PDZD2: variants seen among roughly 807,000 people sequenced by gnomAD.
The protein encoded by PDZD2 is PDZ domain-containing protein 2.
PDZD2 carries 90 observed loss-of-function variants against 220.7 expected under a neutral mutation model. The observed-to-expected ratio is 0.41, with a 90% CI of 0.34 to 0.49. PDZD2 has a LOEUF of 0.49. Among genes scored for constraint, PDZD2 ranks in the 20% least tolerant of loss-of-function variants. PDZD2 has a pLI of 0.28. For synonymous variants in PDZD2, 1,375 were observed against 1,450.5 expected, an observed-to-expected ratio of 0.95 and a Z score of 1.18; for missense variants, 3,174 against 3,608.5, an observed-to-expected ratio of 0.88 and a Z score of 3.08.
intron 2 of PDZD2, among the ~76,000 whole-genome samples, chr5:31,916,862 C>G (rs1743734428): frequency 6.6e-6 from 1 of 152,134 alleles, no homozygotes; most frequent in African/African-American, 2.4e-5. Flanking sequence ...TGTGAGCCTC[C>G]TACCAGCATC....
At chr5:31,880,883 C>T (rs919288680) in intron 2 of PDZD2, among the ~76,000 whole-genome samples, 1 of 143,448 alleles carries the variant, frequency 7.0e-6, no homozygotes, top group Admixed American at 7.4e-5. Context: ...CGCACTGCAA[C>T]CTCCGCCTCC....
At chr5:31,731,001 G>A (rs540183468) in intron 1 of PDZD2, among the ~76,000 whole-genome samples, 4 of 152,226 alleles carry the variant, frequency 2.6e-5, no homozygotes, top group Admixed American at 1.3e-4. Flanking sequence ...TAGTTAAAGC[G>A]AAAATACTTC....
chr5:31,858,533 A>G (rs2150309068), intron 2 of PDZD2, among the ~76,000 whole-genome samples: 1 of 152,224 alleles, frequency 6.6e-6, no homozygotes, highest in East Asian at 1.9e-4. Flanking sequence ...AGATGATTAC[A>G]GCCCTTTCCC....
chr5:31,943,386 GGAACCGTT>G (rs1746374304), intron 2 of PDZD2, among the ~76,000 whole-genome samples: 1 of 152,140 alleles, frequency 6.6e-6, no homozygotes, highest in South Asian at 2.1e-4. Flanking sequence ...CAGAGCTGGG[GGAACCGTT>G]CAGAACTCAG....
At chr5:31,727,935 A>G (rs1001448767) in intron 1 of PDZD2, among the ~76,000 whole-genome samples, 17 of 149,418 alleles carry the variant, frequency 1.1e-4, no homozygotes, top group Non-Finnish European at 1.6e-4. Context: ...TCCAGGAGGC[A>G]GAGCTTGCAG....
Position 32,074,257 on chromosome 5 carries a change from G to A in PDZD2, c.3151G>A (p.Asp1051Asn). Residue 1051 changes from aspartate to asparagine, a missense_variant, in exon 18 of 25, where the codon GAT becomes AAT. Physicochemically the swap from Asp to Asn is conservative, Grantham distance 23 (BLOSUM62 1). This residue lies in a region of PDZD2 where 1,861 missense variants were observed against 2,001.0 expected (regional missense o/e 0.93). Coordinates refer to ENST00000438447, the MANE Select transcript of PDZD2 (RefSeq NM_178140.4). ...GGAGAGTATCCCAGAGGGCATGGTGGATGCTGCGTCCTATGCAGCCAACCT... is the reference window on the plus strand; with the variant it reads ...GGAGAGTATCCCAGAGGGCATGGTGAATGCTGCGTCCTATGCAGCCAACCT... ...LEESIPEGMVDAASYAANLTD... is the reference protein window; with the variant it reads ...LEESIPEGMVNAASYAANLTD... 1.2e-6 allele frequency: 2 copies of A among 1,614,206 alleles called. No individual in the cohort carries two copies. The highest frequency in any genetic ancestry group is 1.7e-6 in the Non-Finnish European group (2 of 1,180,016).
Position 31,829,478 on chromosome 5 carries a change from C to T in PDZD2, c.476+29754C>T, listed in dbSNP as rs569647005. 4.0e-5 allele frequency among the ~76,000 whole-genome samples: 6 copies of T among 151,824 alleles called. No individual in the cohort carries two copies. The East Asian group carries it at 7.8e-4, about 20-fold the overall frequency. ...AGATGGGATTGCAGGCACCACACCT[C>T]GCTAATTTTTGTATTTTTAGTAAAA... On this transcript the variant is annotated intron_variant, in intron 2 of 24. Coordinates refer to ENST00000438447, the MANE Select transcript of PDZD2 (RefSeq NM_178140.4).
chr5:32,025,585 A>C (rs1443084917), intron 6 of PDZD2, among the ~76,000 whole-genome samples: 1 of 105,568 alleles, frequency 9.5e-6, no homozygotes, highest in African/African-American at 4.2e-5. Context: ...AAATGTAACC[A>C]TGATGCTTTT....
intron 2 of PDZD2, among the ~76,000 whole-genome samples, chr5:31,864,149 C>A (rs931201723): frequency 1.3e-5 from 2 of 152,188 alleles, no homozygotes; most frequent in South Asian, 4.1e-4. Flanking sequence ...CCCTAGCAGT[C>A]CCCCTAACCT....
At chr5:31,750,688 C>G (rs1464026637) in intron 1 of PDZD2, among the ~76,000 whole-genome samples, 1 of 152,132 alleles carries the variant, frequency 6.6e-6, no homozygotes, top group African/African-American at 2.4e-5. Context: ...TGCAAAGGGC[C>G]TGAGGCAGGG....
intron 4 of PDZD2, among the ~76,000 whole-genome samples, chr5:31,998,045 G>A (rs1020884194): frequency 3.3e-5 from 5 of 152,142 alleles, no homozygotes; most frequent in African/African-American, 1.2e-4. Flanking sequence ...GTTTCACTGT[G>A]TTGGCCAGGC....
In PDZD2 at chr5:31,651,838, G is replaced by T. The variant is rs1327328582; in HGVS notation, c.-361+12401G>T. 2.6e-5 allele frequency among the ~76,000 whole-genome samples: 4 copies of T among 151,596 alleles called. No homozygotes were observed. The East Asian group carries it at 7.8e-4, about 29-fold the overall frequency. On this transcript the variant is annotated intron_variant, in intron 1 of 24. Transcript: ENST00000438447. ...GTTTTTGTTTGTTTGTTTGTTTTGA[G>T]ATGGTGTCTTGCTCTGTCACCCAGG...
At chr5:31,736,605 T>C (rs1259461772) in intron 1 of PDZD2, among the ~76,000 whole-genome samples, 4 of 152,232 alleles carry the variant, frequency 2.6e-5, no homozygotes, top group African/African-American at 9.6e-5. Flanking sequence ...CACTGGTTAA[T>C]TGCCTTATTT....
At chr5:31,792,211 G>A (rs143082423) in intron 1 of PDZD2, among the ~76,000 whole-genome samples, 268 of 152,300 alleles carry the variant, frequency 1.8e-3, no homozygotes, top group African/African-American at 6.2e-3. Context: ...CGTGGCTGAG[G>A]AGCAGGGACC....
intron 7 of PDZD2, among the ~76,000 whole-genome samples, chr5:32,044,402 G>A (rs1332396368): frequency 1.3e-5 from 2 of 152,014 alleles, no homozygotes; most frequent in Admixed American, 6.6e-5. Flanking sequence ...ACACAGTGAC[G>A]GGCACCATGA....
rs780118909 is a variant in PDZD2 at position 32,090,177 on chromosome 5, G to C, written c.6729G>C (p.Leu2243=). 6.2e-7 allele frequency: 1 copy of C among 1,614,094 alleles called. No individual in the cohort carries two copies. Among genetic ancestry groups the C allele is most frequent in the Non-Finnish European group, 8.5e-7 (1 of 1,180,000 alleles). Residue 2243 remains leucine (L), a synonymous_variant, in exon 20 of 25, where the codon CTG becomes CTC. Coordinates refer to ENST00000438447, the MANE Select transcript of PDZD2 (RefSeq NM_178140.4). This position sits in a 1 kb window ranked among gnomAD's most constrained non-coding sequence, Gnocchi z 4.3. ...FGREGHPPHS[L]GRSRDSQVPV... is the part of the protein sequence containing the mutation. ...GGGAGGGTCACCCCCCACACAGCCT[G>C]GGTCGCTCTCGGGACAGCCAGGTCC...
chr5:31,958,440 G>A (rs1377684662), intron 2 of PDZD2, among the ~76,000 whole-genome samples: 4 of 151,962 alleles, frequency 2.6e-5, no homozygotes, highest in Non-Finnish European at 5.9e-5. Context: ...TTTTAGTAGA[G>A]ATGGGGTTTC....
intron 1 of PDZD2, among the ~76,000 whole-genome samples, chr5:31,689,356 T>A (rs369889435): frequency 0.015 from 1,728 of 112,372 alleles, 34 homozygotes; most frequent in Middle Eastern, 0.023. Flanking sequence ...TATATATATT[T>A]TTTTTTTTTT....
At position 32,098,730 on chromosome 5, in the gene PDZD2, C is replaced by T. The variant is rs978024307; in HGVS notation, c.8218+96C>T. 2.0e-5 allele frequency: 23 copies of T among 1,129,028 alleles called. No homozygotes were observed. In the South Asian group the frequency reaches 3.7e-4, roughly 18 times the overall value. 69.9% of individuals were successfully genotyped at this position (1,129,028 alleles called of 1,614,324 possible). ...AAGGAAAATAACAGCTAACTAACTT[C>T]TAGATCTGAAAAATTAAATGTAGCG... On this transcript the variant is annotated intron_variant, in intron 23 of 24. Transcript: ENST00000438447. The surrounding 1 kb of genome is among the most constrained non-coding windows in gnomAD (Gnocchi z 4.1).
Sources: gnomAD v4.1 joint callset for allele counts (sites outside exome capture counted in the v4.1 genomes callset) on GRCh38, gnomAD v4.1.1 for gene constraint, gnomAD v4.1.1 regional missense constraint, Gnocchi (gnomAD v3.1) non-coding constraint, MANE v1.5 for transcripts, NCBI Gene and HGNC (gene_info 2026-07-23, HGNC 2026-07-21) for gene names.